PLXDC2: variants seen among roughly 807,000 people sequenced by gnomAD.
The protein encoded by PLXDC2 is plexin domain containing 2.
Under a neutral mutation model 68.9 loss-of-function variants are expected in PLXDC2, and 40 were observed. That is an observed-to-expected ratio of 0.58 (90% confidence interval 0.45 to 0.76). PLXDC2 has a LOEUF of 0.76. PLXDC2 is among the 30% of genes least tolerant of loss of function. The pLI, the probability that PLXDC2 is intolerant of heterozygous loss-of-function variation, is 0.00. For missense variants in PLXDC2, 644 were observed against 661.9 expected (o/e 0.97, Z 0.30); for synonymous variants, 243 against 234.2 (o/e 1.04, Z -0.34).
chr10:20,243,810 G>A (rs1425888629), intron 12 of PLXDC2, among the ~76,000 whole-genome samples: 2 of 152,224 alleles, frequency 1.3e-5, no homozygotes, highest in African/African-American at 4.8e-5. Flanking sequence ...TGTAATCCCA[G>A]TACTTTGGGA....
intron 12 of PLXDC2, among the ~76,000 whole-genome samples, chr10:20,240,855 G>A (rs1185431896): frequency 2.0e-5 from 3 of 152,040 alleles, no homozygotes; most frequent in South Asian, 2.1e-4. Context: ...CACAAAGAAA[G>A]TCTTGTAATA....
chr10:20,164,988 A>AT (rs1834355411), intron 7 of PLXDC2, among the ~76,000 whole-genome samples: 9 of 151,472 alleles, frequency 5.9e-5, no homozygotes, highest in Admixed American at 5.3e-4. Flanking sequence ...TGCTTGGCTA[A>AT]CTTTTTTTAT....
intron 6 of PLXDC2, among the ~76,000 whole-genome samples, chr10:20,152,204 C>T (rs1834161595): frequency 6.6e-6 from 1 of 151,978 alleles, no homozygotes; most frequent in African/African-American, 2.4e-5. Flanking sequence ...TAAGAAAATA[C>T]ATTTAGAGTT....
Position 19,875,100 on chromosome 10 carries a change from A to G in PLXDC2, c.112+57909A>G, listed in dbSNP as rs911936285. ...AGAATGAAGGTGCAAAAATTAAATC[A>G]TGCATGCAAAGCAGTTCGTAGGTGC... On this transcript the variant is annotated intron_variant, in intron 1 of 13. Transcript: ENST00000377252. Among the ~76,000 whole-genome samples the G allele has an allele frequency of 2.0e-5, 3 of 152,200 alleles. No individual in the cohort carries two copies. The South Asian group carries it at 6.2e-4, about 32-fold the overall frequency.
At chr10:20,120,705 C>T (rs1833685448) in intron 4 of PLXDC2, among the ~76,000 whole-genome samples, 1 of 152,090 alleles carries the variant, frequency 6.6e-6, no homozygotes, top group Non-Finnish European at 1.5e-5. Context: ...GGGGGCAAAT[C>T]CTCGAGCTTC....
intron 1 of PLXDC2, among the ~76,000 whole-genome samples, chr10:19,872,099 G>A (rs2131343598): frequency 6.6e-6 from 1 of 152,234 alleles, no homozygotes; most frequent in East Asian, 1.9e-4. Flanking sequence ...CTGGTTTGGA[G>A]CAATGGGTGA....
intron 1 of PLXDC2, among the ~76,000 whole-genome samples, chr10:19,944,961 C>G (rs1022538441): frequency 1.3e-5 from 2 of 152,006 alleles, no homozygotes; most frequent in African/African-American, 4.8e-5. Context: ...TCAAACAAAA[C>G]AAAACAAAAC....
At chr10:20,094,968 C>T (rs541031464) in intron 4 of PLXDC2, among the ~76,000 whole-genome samples, 1 of 152,248 alleles carries the variant, frequency 6.6e-6, no homozygotes, top group African/African-American at 2.4e-5. Flanking sequence ...AAAGAAGGCT[C>T]AAGCCTTCTA....
chr10:20,229,624 AG>A (rs1835334129), intron 12 of PLXDC2, among the ~76,000 whole-genome samples: 2 of 151,730 alleles, frequency 1.3e-5, no homozygotes, highest in South Asian at 4.2e-4. Flanking sequence ...TTAATCCATT[AG>A]ATGGTAAATT....
At chr10:19,888,930 A>G (rs1004682818) in intron 1 of PLXDC2, among the ~76,000 whole-genome samples, 4 of 152,184 alleles carry the variant, frequency 2.6e-5, no homozygotes, top group East Asian at 1.9e-4. Context: ...ACTACCTCCA[A>G]AGGAATTTCA....
intron 7 of PLXDC2, among the ~76,000 whole-genome samples, chr10:20,176,567 ATT>A (rs1434316069): frequency 6.6e-6 from 1 of 152,172 alleles, no homozygotes. Flanking sequence ...AAGCAATCAC[ATT>A]GTTATTCTCC....
intron 8 of PLXDC2, 38 bp from the exon 9 acceptor site, chr10:20,177,290 T>G: frequency 6.6e-7 from 1 of 1,506,994 alleles, no homozygotes; most frequent in Non-Finnish European, 9.2e-7. Context: ...CCAAGTTGCC[T>G]GTTAGTCTTG....
chr10:19,991,907 T>C (rs1225206695), intron 1 of PLXDC2, among the ~76,000 whole-genome samples: 1 of 152,256 alleles, frequency 6.6e-6, no homozygotes, highest in East Asian at 1.9e-4. Flanking sequence ...GTTTACAGAA[T>C]TTTCCATCTC....
intron 2 of PLXDC2, among the ~76,000 whole-genome samples, chr10:20,036,960 C>A (rs1835588750): frequency 6.6e-6 from 1 of 152,158 alleles, no homozygotes; most frequent in Admixed American, 6.5e-5. Context: ...CAAACACATG[C>A]TTTTATCTCT....
intron 4 of PLXDC2, among the ~76,000 whole-genome samples, chr10:20,121,924 T>A (rs1833702614): frequency 2.0e-5 from 3 of 151,782 alleles, no homozygotes; most frequent in African/African-American, 7.3e-5. Flanking sequence ...TCAATCGGGG[T>A]AAGGGTGATT....
intron 1 of PLXDC2, among the ~76,000 whole-genome samples, chr10:19,865,994 C>A (rs1837407714): frequency 1.3e-5 from 2 of 152,080 alleles, no homozygotes; most frequent in South Asian, 2.1e-4. Context: ...TCACACTTTC[C>A]CCCCTCATTT....
chr10:20,196,875 TG>T (rs1234549637), intron 9 of PLXDC2, among the ~76,000 whole-genome samples: 1 of 152,208 alleles, frequency 6.6e-6, no homozygotes, highest in African/African-American at 2.4e-5. Context: ...CTTTTTTTTC[TG>T]GAAGTAAAAG....
chr10:19,853,652 T>TGGGGGGG (rs10563076), intron 1 of PLXDC2, among the ~76,000 whole-genome samples: 4 of 129,100 alleles, frequency 3.1e-5, no homozygotes, highest in Non-Finnish European at 3.5e-5. Flanking sequence ...CTGCTTTGGG[T>TGGGGGGG]GGGGGGGGGG....
At chr10:20,188,851 A>G (rs1216162352) in intron 9 of PLXDC2, among the ~76,000 whole-genome samples, 2 of 151,772 alleles carry the variant, frequency 1.3e-5, no homozygotes, top group Non-Finnish European at 2.9e-5. Context: ...CTGAGTTGAT[A>G]TTAAATTATT....
Sources: allele counts gnomAD v4.1 joint callset (sites outside exome capture counted in the v4.1 genomes callset), GRCh38; gene constraint gnomAD v4.1.1; transcripts MANE v1.5; gene names NCBI Gene and HGNC (gene_info 2026-07-23, HGNC 2026-07-21).